BTBD10: variants seen among roughly 807,000 people sequenced by gnomAD.
The protein encoded by BTBD10 is BTB domain containing 10.
BTBD10 carries 21 observed loss-of-function variants against 53.2 expected under a neutral mutation model. That is an observed-to-expected ratio of 0.39 (90% CI 0.28 to 0.57). BTBD10 has a LOEUF of 0.57. Ranked by LOEUF, BTBD10 falls within the 20% of genes least tolerant of loss-of-function variation. BTBD10 has a pLI of 0.53. For synonymous variants in BTBD10, 149 were observed against 192.7 expected, an observed-to-expected ratio of 0.77 and a Z score of 1.88; for missense variants, 360 against 594.7, an observed-to-expected ratio of 0.61 and a Z score of 4.10.
intron 8 of BTBD10, among the ~76,000 whole-genome samples, chr11:13,393,124 CCACAA>C (rs1282195446): frequency 1.3e-5 from 2 of 152,148 alleles, no homozygotes; most frequent in African/African-American, 4.8e-5. Context: ...TTGTGCTTTC[CCACAA>C]CACATTTGTG....
intron 8 of BTBD10, among the ~76,000 whole-genome samples, chr11:13,389,471 C>T (rs1254468174): frequency 2.6e-5 from 4 of 151,944 alleles, no homozygotes; most frequent in African/African-American, 4.8e-5. Context: ...CTTTGTCACC[C>T]AGGCTGGAGT....
rs1359640399 is a variant in BTBD10, at chr11:13,388,964, G to A, written c.1295C>T (p.Ala432Val). The A allele has an allele frequency of 6.2e-7, 1 of 1,614,222 alleles. No individual in the cohort carries two copies. ...SKSITNLAAAAADIPQDQLVV... is the reference protein window; with the variant it reads ...SKSITNLAAAVADIPQDQLVV... ...CAGCTGGTCCTGGGGAATGTCTGCT[G>A]CAGCTGCTGCAAGATTGGTGATAGA... is the stretch of plus-strand genomic sequence containing the variant. Residue 432 changes from alanine to valine, a missense_variant, in exon 9 of 9, where the codon GCA becomes GTA. Ala to Val is a moderately conservative substitution (Grantham distance 64). Coordinates refer to ENST00000278174, the MANE Select transcript of BTBD10 (RefSeq NM_032320.7).
intron 2 of BTBD10, among the ~76,000 whole-genome samples, chr11:13,441,370 A>G (rs930009230): frequency 2.6e-5 from 4 of 152,162 alleles, no homozygotes; most frequent in Non-Finnish European, 4.4e-5. Flanking sequence ...TACGATCACT[A>G]TATGATACAC....
intron 1 of BTBD10, among the ~76,000 whole-genome samples, chr11:13,446,877 T>C (rs1256006112): frequency 6.6e-6 from 1 of 152,120 alleles, no homozygotes; most frequent in Non-Finnish European, 1.5e-5. Flanking sequence ...TAGTTATCTG[T>C]ACTGAAGAGA....
chr11:13,443,305 AG>A (rs1259377009), intron 2 of BTBD10, among the ~76,000 whole-genome samples: 1 of 152,058 alleles, frequency 6.6e-6, no homozygotes, highest in African/African-American at 2.4e-5. Flanking sequence ...ACAGCTATCA[AG>A]AAGAGCTTTG....
intron 1 of BTBD10, among the ~76,000 whole-genome samples, chr11:13,446,430 G>A (rs1193881895): frequency 6.6e-6 from 1 of 152,068 alleles, no homozygotes; most frequent in Non-Finnish European, 1.5e-5. Flanking sequence ...TCATTTTAGA[G>A]AAACAATTTT....
intron 1 of BTBD10, chr11:13,459,781 G>T (rs1421068616): frequency 1.3e-5 from 2 of 152,110 alleles, no homozygotes; most frequent in African/African-American, 2.4e-5. Flanking sequence ...AGAATTGAGA[G>T]TCCCAAAAAT....
intron 2 of BTBD10, among the ~76,000 whole-genome samples, chr11:13,432,530 T>C (rs1241922502): frequency 6.6e-6 from 1 of 152,016 alleles, no homozygotes; most frequent in Non-Finnish European, 1.5e-5. Flanking sequence ...ATCTTGTAAA[T>C]CTAAAATTAT....
At chr11:13,415,107 CTT>C (rs756343405) in intron 5 of BTBD10, among the ~76,000 whole-genome samples, 46 of 127,070 alleles carry the variant, frequency 3.6e-4, no homozygotes, top group African/African-American at 1.3e-3. Flanking sequence ...TCAATCAAAC[CTT>C]TTTTTTTTTT....
Position 13,419,570 on chromosome 11 carries a change from T to C in BTBD10, c.474A>G (p.Glu158=). 1.9e-6 allele frequency: 3 copies of C among 1,614,122 alleles called. No individual in the cohort carries two copies. Among genetic ancestry groups the C allele is most frequent in the Non-Finnish European group, 2.5e-6 (3 of 1,179,968 alleles). ...CTGACGTTCTTATATTCCGAGCTCC[T>C]TCTTTTGCATTTTCATATACAAACA... ...EMVFVYENAK[E]GARNIRTSER... Residue 158 remains glutamate, a synonymous_variant, in exon 4 of 9, where the codon GAA becomes GAG. Transcript: ENST00000278174.
At chr11:13,393,318 T>A (rs1949454386) in intron 8 of BTBD10, among the ~76,000 whole-genome samples, 1 of 152,202 alleles carries the variant, frequency 6.6e-6, no homozygotes, top group Non-Finnish European at 1.5e-5. Flanking sequence ...TCTCTGGTCC[T>A]CCTCATGTCT....
At chr11:13,451,785 GCAAA>G (rs1191934355) in intron 1 of BTBD10, among the ~76,000 whole-genome samples, 1 of 152,146 alleles carries the variant, frequency 6.6e-6, no homozygotes, top group Non-Finnish European at 1.5e-5. Flanking sequence ...GTTAGATTTA[GCAAA>G]CAAAGACTTC....
chr11:13,416,173 G>A (rs1047369716), intron 5 of BTBD10, among the ~76,000 whole-genome samples: 3 of 151,620 alleles, frequency 2.0e-5, no homozygotes, highest in Non-Finnish European at 4.4e-5. Context: ...GCAACATGGC[G>A]AAACCTCATC....
chr11:13,436,373 C>G (rs1950543653), intron 2 of BTBD10, among the ~76,000 whole-genome samples: 1 of 152,204 alleles, frequency 6.6e-6, no homozygotes, highest in South Asian at 2.1e-4. Context: ...AGTACTTCCT[C>G]CAGCTCCCCA....
intron 1 of BTBD10, among the ~76,000 whole-genome samples, chr11:13,458,550 G>A (rs1951021337): frequency 6.6e-6 from 1 of 152,160 alleles, no homozygotes; most frequent in Non-Finnish European, 1.5e-5. Flanking sequence ...CTGTCTTACT[G>A]CCTGCCAATA....
In BTBD10 at chr11:13,439,864, T is replaced by C. The variant is rs758122164; in HGVS notation, c.101+5160A>G. ...AAATAATTATAACCCAGAGATATCA[T>C]GTAATAAATGAATACACACCTTCCT... On this transcript the variant is annotated intron_variant, in intron 2 of 8. Coordinates refer to ENST00000278174, the MANE Select transcript of BTBD10 (RefSeq NM_032320.7). The C allele has an allele frequency of 1.0e-5, 15 of 1,498,568 alleles. No homozygotes were observed. In the South Asian group the frequency reaches 1.7e-4, roughly 17 times the overall value. The allele number at this position is 1,498,568 out of a possible 1,614,324, so 92.8% of individuals were successfully genotyped here.
chr11:13,400,691 C>G (rs926214585), intron 8 of BTBD10, among the ~76,000 whole-genome samples: 4 of 58,670 alleles, frequency 6.8e-5, no homozygotes, highest in Non-Finnish European at 1.5e-4. Flanking sequence ...CTTGGCTCCA[C>G]CCCCCAGAGG....
chr11:13,408,985 C>A (rs1315570790), intron 6 of BTBD10, among the ~76,000 whole-genome samples: 1 of 152,212 alleles, frequency 6.6e-6, no homozygotes, highest in Non-Finnish European at 1.5e-5. Flanking sequence ...TGAAATGGTA[C>A]AATGTGACAG....
At chr11:13,403,831 A>G (rs1011523481) in intron 7 of BTBD10, among the ~76,000 whole-genome samples, 3 of 152,206 alleles carry the variant, frequency 2.0e-5, no homozygotes, top group African/African-American at 7.2e-5. Flanking sequence ...GATGTTAAAA[A>G]TGGCAGATTC....
Sources: allele counts gnomAD v4.1 joint callset (sites outside exome capture counted in the v4.1 genomes callset), GRCh38; gene constraint gnomAD v4.1.1; transcripts MANE v1.5; gene names NCBI Gene and HGNC (gene_info 2026-07-23, HGNC 2026-07-21).